Variants in CDH13 observed in about 807,000 individuals in gnomAD.
The protein encoded by CDH13 is cadherin-13.
CDH13 carries 24 observed loss-of-function variants against 63.8 expected under a neutral mutation model. The observed-to-expected ratio is 0.38, with a 90% CI of 0.27 to 0.53. CDH13 has a LOEUF of 0.53. Among genes scored for constraint, CDH13 ranks in the 20% least tolerant of loss-of-function variants. The pLI, the probability that CDH13 is intolerant of heterozygous loss-of-function variation, is 0.85. For missense variants in CDH13, 1,049 were observed against 903.1 expected (o/e 1.16, Z -2.07); for synonymous variants, 503 against 355.3 (o/e 1.42, Z -4.67).
At position 83,337,769 on chromosome 16, in the gene CDH13, T is replaced by G. The variant is rs138187631; in HGVS notation, c.637-7093T>G. Among the ~76,000 whole-genome samples, 156 of 151,904 alleles carry G rather than the reference T, an allele frequency of 1.0e-3. 1 individual carries two copies. Among genetic ancestry groups the G allele is most frequent in the African/African-American group, 3.6e-3 (148 of 41,470 alleles). On this transcript the variant is annotated intron_variant, in intron 5 of 13. Transcript: ENST00000567109. ...CTACATAATATACAGACGCTCATTGTGTGGTTTAATGTGTAGCTTCATGTG... is the reference window on the plus strand; with the variant it reads ...CTACATAATATACAGACGCTCATTGGGTGGTTTAATGTGTAGCTTCATGTG...
chr16:83,653,630 C>G (rs1231088790), intron 8 of CDH13, among the ~76,000 whole-genome samples: 1 of 152,112 alleles, frequency 6.6e-6, no homozygotes, highest in African/African-American at 2.4e-5. Context: ...GAAGAGTTGA[C>G]AGGAAACAGA....
At chr16:82,754,413 T>G (rs2034536247) in intron 1 of CDH13, among the ~76,000 whole-genome samples, 1 of 152,236 alleles carries the variant, frequency 6.6e-6, no homozygotes, top group African/African-American at 2.4e-5. Flanking sequence ...GCCTGAACTT[T>G]AGGAGAATAA....
At chr16:83,027,501 C>G (rs1258761225) in intron 2 of CDH13, among the ~76,000 whole-genome samples, 1 of 151,994 alleles carries the variant, frequency 6.6e-6, no homozygotes, top group African/African-American at 2.4e-5. Flanking sequence ...TAGGGAGATG[C>G]AAGAGTGGGT....
chr16:83,623,977 C>T (rs77455873), intron 8 of CDH13, among the ~76,000 whole-genome samples: 1 of 152,198 alleles, frequency 6.6e-6, no homozygotes, highest in South Asian at 2.1e-4. Context: ...CACTTTCAAC[C>T]AGCAGAAACG....
At chr16:83,363,291 C>G (rs1013005728) in intron 6 of CDH13, among the ~76,000 whole-genome samples, 5 of 152,296 alleles carry the variant, frequency 3.3e-5, no homozygotes, top group Admixed American at 1.3e-4. Flanking sequence ...AGTCTTTGGA[C>G]TTTCCTTTGT....
At chr16:83,001,284 T>C (rs1210544205) in intron 2 of CDH13, among the ~76,000 whole-genome samples, 2 of 152,228 alleles carry the variant, frequency 1.3e-5, no homozygotes, top group African/African-American at 4.8e-5. Context: ...GAGAATGCAT[T>C]TCTAGCCTTC....
intron 2 of CDH13, among the ~76,000 whole-genome samples, chr16:83,014,866 A>ATT (rs1567746130): frequency 1.6e-5 from 2 of 122,474 alleles, no homozygotes; most frequent in African/African-American, 3.1e-5. Context: ...GTATATATAT[A>ATT]TGTATATATA....
rs143053611 is a variant in CDH13, at chr16:83,625,422, C to T, written c.1101+22828C>T. 3.7e-4 allele frequency among the ~76,000 whole-genome samples: 56 copies of T among 152,226 alleles called. No individual in the cohort carries two copies. The East Asian group carries it at 0.011, about 29-fold the overall frequency. ...GGAGGGTCACCCATTCATTTGATTT[C>T]TTCAGGTCCATTTTCTTCATCCTCC... On this transcript the variant is annotated intron_variant, in intron 8 of 13. Transcript: ENST00000567109.
chr16:83,266,253 T>C (rs1907610318), intron 5 of CDH13, among the ~76,000 whole-genome samples: 1 of 152,190 alleles, frequency 6.6e-6, no homozygotes, highest in African/African-American at 2.4e-5. Context: ...ATATTTGCCT[T>C]ACCATTTGTG....
intron 4 of CDH13, among the ~76,000 whole-genome samples, chr16:83,162,984 C>G (rs1401177011): frequency 6.6e-6 from 1 of 152,032 alleles, no homozygotes; most frequent in Non-Finnish European, 1.5e-5. Context: ...CCCCACAATT[C>G]CCATGTGTCG....
At chr16:82,929,539 C>T (rs960816533) in intron 2 of CDH13, among the ~76,000 whole-genome samples, 21 of 150,762 alleles carry the variant, frequency 1.4e-4, no homozygotes, top group African/African-American at 5.1e-4. Flanking sequence ...GTAGTCCCAG[C>T]GACTCGGGAG....
chr16:83,257,924 G>C (rs1047376325), intron 5 of CDH13, among the ~76,000 whole-genome samples: 4 of 152,128 alleles, frequency 2.6e-5, no homozygotes, highest in African/African-American at 9.7e-5. Context: ...TACCTCACCA[G>C]CATCTGTTAT....
intron 2 of CDH13, among the ~76,000 whole-genome samples, chr16:82,860,210 T>C (rs528396324): frequency 6.6e-6 from 1 of 152,228 alleles, no homozygotes; most frequent in East Asian, 1.9e-4. Context: ...GTATGGAAAT[T>C]AATAGAGTTG....
At chr16:83,263,470 A>G (rs990208128) in intron 5 of CDH13, among the ~76,000 whole-genome samples, 1 of 152,218 alleles carries the variant, frequency 6.6e-6, no homozygotes, top group Non-Finnish European at 1.5e-5. Flanking sequence ...ACCACATCAC[A>G]GAATGGAACT....
rs184658459 is a variant in CDH13, at chr16:82,810,742, A to T, written c.46-47620A>T. Among the ~76,000 whole-genome samples the T allele has an allele frequency of 2.4e-4, 36 of 152,220 alleles. 1 individual carries two copies. The East Asian group carries it at 7.0e-3, about 29-fold the overall frequency. ...CAGTCAGCTGTGGGTTTTGCGTGTGAAGAGCATAAGAGGGGAGAGAGAGGA... is the reference window on the plus strand; with the variant it reads ...CAGTCAGCTGTGGGTTTTGCGTGTGTAGAGCATAAGAGGGGAGAGAGAGGA... On this transcript the variant is annotated intron_variant, in intron 1 of 13. Coordinates refer to ENST00000567109, the MANE Select transcript of CDH13 (RefSeq NM_001257.5).
intron 4 of CDH13, among the ~76,000 whole-genome samples, chr16:83,197,722 G>A (rs1284165258): frequency 6.6e-6 from 1 of 151,774 alleles, no homozygotes; most frequent in Admixed American, 6.6e-5. Flanking sequence ...TGATGGATAC[G>A]CAAGCCAATA....
intron 2 of CDH13, among the ~76,000 whole-genome samples, chr16:82,957,726 C>T (rs147316150): frequency 2.1e-3 from 313 of 152,250 alleles, no homozygotes; most frequent in Non-Finnish European, 3.4e-3. Context: ...TATTTTCCCA[C>T]AAGGATGTTA....
chr16:83,721,167 T>C (rs551162363), intron 10 of CDH13: 1 of 152,382 alleles, frequency 6.6e-6, no homozygotes, highest in South Asian at 2.1e-4. Context: ...GCTTGACCAA[T>C]GTCACCTGAA....
At chr16:83,456,634 T>C (rs2073031795) in intron 6 of CDH13, among the ~76,000 whole-genome samples, 1 of 151,962 alleles carries the variant, frequency 6.6e-6, no homozygotes, top group South Asian at 2.1e-4. Context: ...GCAGGCTATG[T>C]TTAGGAAGCA....
Sources: allele counts gnomAD v4.1 joint callset (sites outside exome capture counted in the v4.1 genomes callset), GRCh38; gene constraint gnomAD v4.1.1; transcripts MANE v1.5; gene names NCBI Gene and HGNC (gene_info 2026-07-23, HGNC 2026-07-21).